Variants in GRID2 observed in about 807,000 individuals in gnomAD.
GRID2 encodes glutamate ionotropic receptor delta type subunit 2.
Under a neutral mutation model 114.8 loss-of-function variants are expected in GRID2, and 33 were observed. That is an observed-to-expected ratio of 0.29 (90% CI 0.22 to 0.38). The LOEUF is 0.38. Ranked by LOEUF, GRID2 falls within the 10% of genes least tolerant of loss-of-function variation. GRID2 has a pLI of 1.00. For synonymous variants in GRID2, 505 were observed against 449.9 expected (o/e 1.12, Z -1.55); for missense variants, 1,184 against 1,257.7 (o/e 0.94, Z 0.89).
chr4:93,381,825 A>G (rs1763882017), intron 8 of GRID2, among the ~76,000 whole-genome samples: 1 of 152,118 alleles, frequency 6.6e-6, no homozygotes, highest in South Asian at 2.1e-4. Context: ...TTGTCCATAT[A>G]CTTACCTTTA....
intron 2 of GRID2, among the ~76,000 whole-genome samples, chr4:92,763,861 A>G (rs1047827841): frequency 6.6e-6 from 1 of 152,230 alleles, no homozygotes; most frequent in Non-Finnish European, 1.5e-5. Flanking sequence ...GAGTGAGACT[A>G]GAAATCATTT....
chr4:92,395,922 G>T (rs1406593803), intron 1 of GRID2, among the ~76,000 whole-genome samples: 4 of 151,716 alleles, frequency 2.6e-5, no homozygotes, highest in African/African-American at 9.7e-5. Flanking sequence ...ACTACATTTT[G>T]TACTTAGTAC....
intron 14 of GRID2, among the ~76,000 whole-genome samples, chr4:93,720,476 TC>T (rs1729256930): frequency 6.6e-6 from 1 of 152,150 alleles, no homozygotes; most frequent in Admixed American, 6.5e-5. Context: ...CACGAAACAG[TC>T]AGGAAGTAAA....
At chr4:92,704,626 T>C (rs1734849879) in intron 2 of GRID2, among the ~76,000 whole-genome samples, 1 of 152,254 alleles carries the variant, frequency 6.6e-6, no homozygotes, top group South Asian at 2.1e-4. Flanking sequence ...TGGAGACCTT[T>C]CTTTACGTGT....
chr4:93,787,322 G>C (rs1488446933), intron 1 of GRID2, among the ~76,000 whole-genome samples: 1 of 152,026 alleles, frequency 6.6e-6, no homozygotes, highest in African/African-American at 2.4e-5. Context: ...ATCTAAGCAT[G>C]AAGAAATACA....
intron 1 of GRID2, among the ~76,000 whole-genome samples, chr4:92,568,604 T>G (rs1044554437): frequency 6.6e-6 from 1 of 152,008 alleles, no homozygotes; most frequent in East Asian, 1.9e-4. Context: ...CAGGGGTACA[T>G]GTGCAGGTTT....
chr4:92,948,443 C>A (rs1751801238), intron 2 of GRID2, among the ~76,000 whole-genome samples: 1 of 151,720 alleles, frequency 6.6e-6, no homozygotes, highest in Non-Finnish European at 1.5e-5. Flanking sequence ...GGGGTAAATA[C>A]ATGCATTATT....
At chr4:92,980,049 TC>T (rs1754095970) in intron 2 of GRID2, among the ~76,000 whole-genome samples, 1 of 152,170 alleles carries the variant, frequency 6.6e-6, no homozygotes, top group Admixed American at 6.6e-5. Flanking sequence ...TATATGTTAT[TC>T]CCATGCTAAT....
intron 2 of GRID2, among the ~76,000 whole-genome samples, chr4:92,747,953 T>G (rs141670260): frequency 7.2e-5 from 11 of 152,330 alleles, no homozygotes; most frequent in African/African-American, 2.4e-4. Context: ...TAGAAGTTTC[T>G]GACTTAAGAA....
intron 2 of GRID2, among the ~76,000 whole-genome samples, chr4:92,657,745 T>C (rs1732318600): frequency 6.6e-6 from 1 of 151,816 alleles, no homozygotes; most frequent in Admixed American, 6.6e-5. Flanking sequence ...TTTTATTTTT[T>C]ATTGAAAAAA....
chr4:92,932,982 G>A (rs777286417), intron 2 of GRID2, among the ~76,000 whole-genome samples: 1 of 150,954 alleles, frequency 6.6e-6, no homozygotes, highest in Non-Finnish European at 1.5e-5. Flanking sequence ...AATGGGAAAA[G>A]TCAGTATCTT....
chr4:93,107,776 G>A lies in GRID2; in HGVS notation c.530-2972G>A, dbSNP rs531742543. On this transcript the variant is annotated intron_variant, in intron 3 of 15. Coordinates refer to ENST00000282020, the MANE Select transcript of GRID2 (RefSeq NM_001510.4). Reference sequence around the variant, plus strand: ...CCCAAAGTGCTGGGGTTTCAGACATGAGCCAGCACGCCCAGCCCCAATTTA... The same window carrying A: ...CCCAAAGTGCTGGGGTTTCAGACATAAGCCAGCACGCCCAGCCCCAATTTA... Among the ~76,000 whole-genome samples, 9 of 152,174 alleles carry A rather than the reference G, an allele frequency of 5.9e-5. 1 individual carries two copies. In the South Asian group the frequency reaches 1.9e-3, roughly 32 times the overall value.
At chr4:93,709,025 T>G (rs1001228581) in intron 14 of GRID2, among the ~76,000 whole-genome samples, 3 of 152,100 alleles carry the variant, frequency 2.0e-5, no homozygotes, top group African/African-American at 4.8e-5. Flanking sequence ...TTCAGTAGTT[T>G]CCATTTATAT....
intron 2 of GRID2, among the ~76,000 whole-genome samples, chr4:92,908,261 A>G (rs558901163): frequency 3.9e-5 from 6 of 152,272 alleles, no homozygotes; most frequent in Admixed American, 3.9e-4. Context: ...TATTCAGTAT[A>G]ATTGTATTGA....
intron 1 of GRID2, among the ~76,000 whole-genome samples, chr4:92,386,016 A>G (rs1162804081): frequency 6.6e-6 from 1 of 151,070 alleles, no homozygotes; most frequent in Non-Finnish European, 1.5e-5. Context: ...ACCACAGATA[A>G]TGAAAGGATT....
At chr4:93,415,845 A>G (rs982374463) in intron 9 of GRID2, among the ~76,000 whole-genome samples, 4 of 152,050 alleles carry the variant, frequency 2.6e-5, no homozygotes, top group African/African-American at 9.7e-5. Context: ...CAGAATAGAA[A>G]TAGAAATGAT....
intron 11 of GRID2, among the ~76,000 whole-genome samples, chr4:93,463,595 T>G (rs1723956035): frequency 6.6e-6 from 1 of 152,214 alleles, no homozygotes; most frequent in Admixed American, 6.5e-5. Context: ...AATTACTATT[T>G]TAGTATTTAA....
chr4:92,543,625 A>G (rs990788700), intron 1 of GRID2, among the ~76,000 whole-genome samples: 2 of 152,316 alleles, frequency 1.3e-5, no homozygotes, highest in African/African-American at 2.4e-5. Context: ...TCTAAAACCA[A>G]CACCAGAACC....
intron 13 of GRID2, among the ~76,000 whole-genome samples, chr4:93,576,454 G>A (rs1015497093): frequency 2.0e-5 from 3 of 152,176 alleles, no homozygotes; most frequent in Non-Finnish European, 4.4e-5. Flanking sequence ...GTCAGGACAA[G>A]TAGAAGTTGA....
Sources: gnomAD v4.1 joint callset for allele counts (sites outside exome capture counted in the v4.1 genomes callset) on GRCh38, gnomAD v4.1.1 for gene constraint, MANE v1.5 for transcripts, NCBI Gene and HGNC (gene_info 2026-07-23, HGNC 2026-07-21) for gene names.